KCTD16: variants seen among roughly 807,000 people sequenced by gnomAD.
KCTD16 encodes the protein BTB/POZ domain-containing protein KCTD16.
In KCTD16, 13 loss-of-function variants were observed where a neutral mutation model predicts 33.2. That is an observed-to-expected ratio of 0.39 (90% confidence interval 0.25 to 0.62). KCTD16 has a LOEUF of 0.62. KCTD16 is among the 20% of genes least tolerant of loss of function. The pLI, the probability that KCTD16 is intolerant of heterozygous loss-of-function variation, is 0.50. For missense variants in KCTD16, 441 were observed against 525.1 expected (o/e 0.84, Z 1.57); for synonymous variants, 197 against 195.3 (o/e 1.01, Z -0.07).
chr5:144,234,303 A>G (rs1032671782), intron 3 of KCTD16, among the ~76,000 whole-genome samples: 1 of 152,142 alleles, frequency 6.6e-6, no homozygotes, highest in African/African-American at 2.4e-5. Flanking sequence ...TCACTTCATA[A>G]GAGAAAGTTC....
At chr5:144,426,278 C>T (rs1311449292) in intron 3 of KCTD16, among the ~76,000 whole-genome samples, 1 of 152,108 alleles carries the variant, frequency 6.6e-6, no homozygotes, top group Non-Finnish European at 1.5e-5. Flanking sequence ...TACCTTGTTC[C>T]TCACTTCCAT....
chr5:144,194,669 T>C (rs1752907933), intron 2 of KCTD16, among the ~76,000 whole-genome samples: 1 of 152,182 alleles, frequency 6.6e-6, no homozygotes, highest in South Asian at 2.1e-4. Flanking sequence ...CTCACAAAAC[T>C]CTGTATGGGA....
chr5:144,235,121 G>GT, intron 3 of KCTD16, among the ~76,000 whole-genome samples: 1 of 152,242 alleles, frequency 6.6e-6, no homozygotes, highest in Middle Eastern at 3.4e-3. Flanking sequence ...GGAATAAAAT[G>GT]TTCTCAGCTT....
intron 3 of KCTD16, among the ~76,000 whole-genome samples, chr5:144,337,242 C>T (rs777045422): frequency 1.1e-4 from 17 of 151,726 alleles, no homozygotes; most frequent in Non-Finnish European, 1.9e-4. Flanking sequence ...GGATACACAT[C>T]GTAGAGTGGA....
chr5:144,281,911 G>T (rs1580842932), intron 3 of KCTD16, among the ~76,000 whole-genome samples: 1 of 152,224 alleles, frequency 6.6e-6, no homozygotes, highest in East Asian at 1.9e-4. Context: ...CCTCTTTGGT[G>T]AATTTTATGT....
intron 3 of KCTD16, among the ~76,000 whole-genome samples, chr5:144,277,597 T>C (rs1268455789): frequency 6.6e-6 from 1 of 152,240 alleles, no homozygotes; most frequent in African/African-American, 2.4e-5. Context: ...ATCAATGTGA[T>C]TTTTTTAAAT....
intron 3 of KCTD16, among the ~76,000 whole-genome samples, chr5:144,352,302 G>A (rs899135591): frequency 2.0e-5 from 3 of 152,162 alleles, no homozygotes; most frequent in African/African-American, 7.2e-5. Context: ...AAGGGAATAA[G>A]GGCAGACATA....
intron 3 of KCTD16, among the ~76,000 whole-genome samples, chr5:144,285,707 T>A (rs1179635417): frequency 6.6e-6 from 1 of 152,224 alleles, no homozygotes. Flanking sequence ...CTATTTTAAT[T>A]AAAAATTACA....
chr5:144,222,132 T>C (rs1372142982), intron 3 of KCTD16, among the ~76,000 whole-genome samples: 1 of 152,212 alleles, frequency 6.6e-6, no homozygotes, highest in Non-Finnish European at 1.5e-5. Context: ...TCTTGTGAAT[T>C]TTTTAAAGTT....
chr5:144,307,395 A>G (rs1751630923), intron 3 of KCTD16, among the ~76,000 whole-genome samples: 1 of 152,204 alleles, frequency 6.6e-6, no homozygotes, highest in Non-Finnish European at 1.5e-5. Context: ...GAGGACTGAG[A>G]CAGCATCTTG....
At chr5:144,470,579 T>C (rs148892518) in intron 3 of KCTD16, among the ~76,000 whole-genome samples, 1 of 152,268 alleles carries the variant, frequency 6.6e-6, no homozygotes, top group African/African-American at 2.4e-5. Flanking sequence ...CCAAAATAAA[T>C]GGCAAGTAAA....
At chr5:144,345,911 A>G (rs1752787399) in intron 3 of KCTD16, among the ~76,000 whole-genome samples, 1 of 152,008 alleles carries the variant, frequency 6.6e-6, no homozygotes, top group South Asian at 2.1e-4. Flanking sequence ...TATTGACTAT[A>G]GTAAACCTAT....
At chr5:144,466,239 G>GTT (rs35569056) in intron 3 of KCTD16, among the ~76,000 whole-genome samples, 2,423 of 135,012 alleles carry the variant, frequency 0.018, 79 homozygotes, top group African/African-American at 0.058. Flanking sequence ...ACTAGCTAGG[G>GTT]TTTTTTTTTT....
chr5:144,180,531 A>G (rs1030887603), intron 2 of KCTD16, among the ~76,000 whole-genome samples: 5 of 152,220 alleles, frequency 3.3e-5, no homozygotes, highest in Non-Finnish European at 7.3e-5. Context: ...TAACAATAAC[A>G]TTTTATTTCT....
chr5:144,357,768 A>G (rs773465847), intron 3 of KCTD16, among the ~76,000 whole-genome samples: 6 of 152,188 alleles, frequency 3.9e-5, no homozygotes, highest in Non-Finnish European at 8.8e-5. Flanking sequence ...AGTATGCACA[A>G]TTCTCTGTAT....
At chr5:144,261,497 A>G (rs1374490065) in intron 3 of KCTD16, among the ~76,000 whole-genome samples, 2 of 152,212 alleles carry the variant, frequency 1.3e-5, no homozygotes, top group East Asian at 1.9e-4. Context: ...CTCTGCAGCA[A>G]TTCTTTCATC....
chr5:144,454,753 GA>G (rs1408353535), intron 3 of KCTD16, among the ~76,000 whole-genome samples: 1 of 151,796 alleles, frequency 6.6e-6, no homozygotes, highest in African/African-American at 2.4e-5. Context: ...TTTTTTCCAA[GA>G]AAGAAGAAAG....
At chr5:144,409,543 AAGG>A (rs1188371877) in intron 3 of KCTD16, among the ~76,000 whole-genome samples, 1 of 151,926 alleles carries the variant, frequency 6.6e-6, no homozygotes, top group African/African-American at 2.4e-5. Flanking sequence ...TTATATTCTC[AAGG>A]AGAAGACAGC....
intron 2 of KCTD16, among the ~76,000 whole-genome samples, chr5:144,179,803 T>C (rs751760384): frequency 1.4e-4 from 22 of 152,266 alleles, no homozygotes; most frequent in East Asian, 1.9e-4. Context: ...ATCCCAACTC[T>C]AGGACATAAA....
Sources: allele counts gnomAD v4.1 joint callset (sites outside exome capture counted in the v4.1 genomes callset), GRCh38; gene constraint gnomAD v4.1.1; transcripts MANE v1.5; gene names NCBI Gene and HGNC (gene_info 2026-07-23, HGNC 2026-07-21).